DNER: variants seen among roughly 807,000 people sequenced by gnomAD.
DNER encodes the protein delta and Notch-like epidermal growth factor-related receptor.
A neutral mutation model predicts 78.2 loss-of-function variants in DNER; 33 were observed. That is an observed-to-expected ratio of 0.42 (90% CI 0.32 to 0.56). DNER has a LOEUF of 0.56. Among genes scored for constraint, DNER ranks in the 20% least tolerant of loss-of-function variants. The pLI is 0.11. For missense variants in DNER, 918 were observed against 975.3 expected (o/e 0.94, Z 0.78); for synonymous variants, 417 against 384.8 (o/e 1.08, Z -0.98).
intron 6 of DNER, among the ~76,000 whole-genome samples, chr2:229,499,931 C>CTTTCTT (rs1286404166): frequency 3.0e-5 from 4 of 134,810 alleles, no homozygotes; most frequent in Non-Finnish European, 3.3e-5. Context: ...GACTTTCTTT[C>CTTTCTT]TTTTTTTTTT....
intron 1 of DNER, among the ~76,000 whole-genome samples, chr2:229,702,604 T>G (rs547555626): frequency 2.0e-5 from 3 of 151,772 alleles, no homozygotes; most frequent in African/African-American, 7.3e-5. Context: ...CTTGAAACCA[T>G]CCACAGATCC....
At chr2:229,427,198 C>T (rs1215505591) in intron 8 of DNER, among the ~76,000 whole-genome samples, 1 of 152,240 alleles carries the variant, frequency 6.6e-6, no homozygotes, top group Non-Finnish European at 1.5e-5. Flanking sequence ...CCTCCCTGGG[C>T]TTCCAAAAGG....
chr2:229,596,272 G>A (rs1490292840), intron 1 of DNER, among the ~76,000 whole-genome samples: 1 of 152,224 alleles, frequency 6.6e-6, no homozygotes, highest in Non-Finnish European at 1.5e-5. Flanking sequence ...ATGGAATCAG[G>A]ATTCTCCAAG....
intron 1 of DNER, among the ~76,000 whole-genome samples, chr2:229,650,503 G>C (rs574921671): frequency 6.6e-5 from 10 of 152,276 alleles, no homozygotes; most frequent in African/African-American, 2.4e-4. Flanking sequence ...AAATTCAGTA[G>C]AGTCAGACCC....
At chr2:229,482,549 C>T (rs1040337313) in intron 6 of DNER, among the ~76,000 whole-genome samples, 10 of 152,188 alleles carry the variant, frequency 6.6e-5, no homozygotes, top group African/African-American at 1.2e-4. Context: ...CACTCTATTC[C>T]GAATCTCGCC....
chr2:229,582,367 T>C (rs919675530), intron 4 of DNER, among the ~76,000 whole-genome samples: 3 of 152,160 alleles, frequency 2.0e-5, no homozygotes, highest in Non-Finnish European at 2.9e-5. Flanking sequence ...TGATTTATCA[T>C]GGTTAGGAAC....
At chr2:229,515,534 G>A (rs758317077) in intron 5 of DNER, among the ~76,000 whole-genome samples, 6 of 152,062 alleles carry the variant, frequency 3.9e-5, no homozygotes, top group Middle Eastern at 3.4e-3. Context: ...GTTATTTGAC[G>A]GATACATTTA....
At chr2:229,628,136 C>A (rs1698376221) in intron 1 of DNER, among the ~76,000 whole-genome samples, 1 of 152,178 alleles carries the variant, frequency 6.6e-6, no homozygotes, top group Non-Finnish European at 1.5e-5. Context: ...GGAACTGAGG[C>A]TATCCAAAAA....
chr2:229,429,127 TG>T (rs1416578601), intron 8 of DNER, among the ~76,000 whole-genome samples: 23 of 152,166 alleles, frequency 1.5e-4, no homozygotes, highest in Admixed American at 5.2e-4. Context: ...GTGGAGCATA[TG>T]GGGGCTGGGG....
rs776264268 is a variant in DNER at position 229,386,174 on chromosome 2, A to G, written c.1855+2091T>C. 6.5e-4 allele frequency among the ~76,000 whole-genome samples: 99 copies of G among 152,352 alleles called. 1 individual carries two copies. The highest frequency in any genetic ancestry group is 1.6e-3 in the Admixed American group (24 of 15,302). On this transcript the variant is annotated intron_variant, in intron 11 of 12. Coordinates refer to ENST00000341772, the MANE Select transcript of DNER (RefSeq NM_139072.4). ...GCCTCAGAAATGATGCCACATATCTACAACCATCTGATCTTTGATAAACCT... is the reference window on the plus strand; with the variant it reads ...GCCTCAGAAATGATGCCACATATCTGCAACCATCTGATCTTTGATAAACCT...
chr2:229,682,167 G>T (rs1292764097), intron 1 of DNER, among the ~76,000 whole-genome samples: 3 of 152,308 alleles, frequency 2.0e-5, no homozygotes, highest in Non-Finnish European at 4.4e-5. Flanking sequence ...ATTTGAACAG[G>T]TGAGGACACA....
intron 11 of DNER, among the ~76,000 whole-genome samples, chr2:229,383,308 A>G (rs1574816876): frequency 1.3e-5 from 2 of 152,360 alleles, no homozygotes; most frequent in South Asian, 4.1e-4. Flanking sequence ...CTGCAAAAAC[A>G]TACCAAATTG....
intron 7 of DNER, among the ~76,000 whole-genome samples, chr2:229,456,274 G>A (rs1005757801): frequency 4.6e-5 from 7 of 151,724 alleles, no homozygotes; most frequent in East Asian, 1.9e-4. Context: ...CAGCTGTCAC[G>A]TGAACTCAGA....
chr2:229,489,348 G>A (rs551572196), intron 6 of DNER, among the ~76,000 whole-genome samples: 1 of 152,322 alleles, frequency 6.6e-6, no homozygotes, highest in South Asian at 2.1e-4. Context: ...TGAGGGCGGC[G>A]AGCATAATGG....
intron 1 of DNER, among the ~76,000 whole-genome samples, chr2:229,685,016 T>TG (rs2154217232): frequency 6.6e-6 from 1 of 152,348 alleles, no homozygotes; most frequent in East Asian, 1.9e-4. Context: ...AAATGCAATC[T>TG]GGATAATCAC....
chr2:229,360,111 G>A (rs1692179008), intron 12 of DNER, among the ~76,000 whole-genome samples: 1 of 152,218 alleles, frequency 6.6e-6, no homozygotes, highest in African/African-American at 2.4e-5. Flanking sequence ...TGTCAACAGA[G>A]TAAAAGTGTC....
At chr2:229,425,234 G>C (rs114161670) in intron 8 of DNER, among the ~76,000 whole-genome samples, 3,241 of 152,242 alleles carry the variant, frequency 0.021, 132 homozygotes, top group African/African-American at 0.074. Context: ...AAATGAGATA[G>C]AGCGGAGTAA....
At chr2:229,434,199 T>C (rs1244960639) in intron 8 of DNER, among the ~76,000 whole-genome samples, 1 of 152,252 alleles carries the variant, frequency 6.6e-6, no homozygotes, top group Non-Finnish European at 1.5e-5. Context: ...CTGTATTTAC[T>C]TTCATTCCCC....
At chr2:229,476,688 A>G (rs1280663069) in intron 7 of DNER, among the ~76,000 whole-genome samples, 4 of 152,196 alleles carry the variant, frequency 2.6e-5, no homozygotes, top group African/African-American at 9.6e-5. Flanking sequence ...CTATGCCAGC[A>G]GTAAAACTGC....
Sources: gnomAD v4.1 joint callset for allele counts (sites outside exome capture counted in the v4.1 genomes callset) on GRCh38, gnomAD v4.1.1 for gene constraint, MANE v1.5 for transcripts, NCBI Gene and HGNC (gene_info 2026-07-23, HGNC 2026-07-21) for gene names.